Variants in MYRIP observed in about 807,000 individuals in gnomAD.
MYRIP encodes rab effector MyRIP.
A neutral mutation model predicts 98.0 loss-of-function variants in MYRIP; 49 were observed. That is an observed-to-expected ratio of 0.50 (90% CI 0.40 to 0.63). The LOEUF is 0.63. Among genes scored for constraint, MYRIP ranks in the 30% least tolerant of loss-of-function variants. The probability of loss-of-function intolerance (pLI) is 0.00; values close to 1 mark genes in which losing one functional copy is unlikely to be tolerated. For synonymous variants in MYRIP, 404 were observed against 409.5 expected, an observed-to-expected ratio of 0.99 and a Z score of 0.16; for missense variants, 1,004 against 1,058.2, an observed-to-expected ratio of 0.95 and a Z score of 0.71.
chr3:39,924,181 C>T (rs1237374156), intron 2 of MYRIP, among the ~76,000 whole-genome samples: 1 of 151,962 alleles, frequency 6.6e-6, no homozygotes, highest in East Asian at 1.9e-4. Flanking sequence ...GTTGAAGATA[C>T]AAATTAGCAA....
At chr3:39,917,993 C>T (rs1365219689) in intron 2 of MYRIP, among the ~76,000 whole-genome samples, 4 of 150,774 alleles carry the variant, frequency 2.7e-5, no homozygotes, top group Non-Finnish European at 5.9e-5. Flanking sequence ...GTGGCGCGAT[C>T]TCGACTCACT....
chr3:40,037,722 A>C (rs1299390445), intron 2 of MYRIP, among the ~76,000 whole-genome samples: 1 of 152,012 alleles, frequency 6.6e-6, no homozygotes, highest in African/African-American at 2.4e-5. Context: ...TTCCCTCTGC[A>C]CCCTCTTTTC....
At position 40,006,250 on chromosome 3, in the gene MYRIP, G is replaced by A. The variant is rs76854210; in HGVS notation, c.111-37800G>A. 7.7e-3 allele frequency among the ~76,000 whole-genome samples: 1,175 copies of A among 152,250 alleles called. 15 individuals carry two copies. Among genetic ancestry groups the A allele is most frequent in the African/African-American group, 0.027 (1,101 of 41,540 alleles). On this transcript the variant is annotated intron_variant, in intron 2 of 16. Transcript: ENST00000302541. ...TCATTCAGGAAAGGTCCTTCTTGCC[G>A]TAGTTTAGAGAAGGAAAATAGAAGG...
chr3:39,991,443 T>C (rs192936963), intron 2 of MYRIP, among the ~76,000 whole-genome samples: 11 of 152,364 alleles, frequency 7.2e-5, no homozygotes, highest in Non-Finnish European at 1.6e-4. Context: ...TTGTGTGATG[T>C]GCTGATGTCC....
At chr3:40,077,402 G>C (rs867089262) in intron 3 of MYRIP, among the ~76,000 whole-genome samples, 3 of 152,088 alleles carry the variant, frequency 2.0e-5, no homozygotes, top group African/African-American at 4.8e-5. Context: ...GTGCATTTAC[G>C]ATCCCTGAGC....
intron 1 of MYRIP, among the ~76,000 whole-genome samples, chr3:39,852,150 AG>A (rs1942148449): frequency 1.3e-5 from 2 of 152,300 alleles, no homozygotes; most frequent in East Asian, 1.9e-4. Context: ...AATCAAAAGT[AG>A]GGAGCCTGGT....
intron 9 of MYRIP, among the ~76,000 whole-genome samples, chr3:40,184,136 C>T (rs562399713): frequency 6.6e-6 from 1 of 152,168 alleles, no homozygotes; most frequent in South Asian, 2.1e-4. Context: ...TTCTTTCCTC[C>T]CTCTGCCCTC....
chr3:39,935,036 G>A (rs990959571), intron 2 of MYRIP, among the ~76,000 whole-genome samples: 7 of 152,198 alleles, frequency 4.6e-5, no homozygotes, highest in African/African-American at 2.4e-5. Context: ...TGCTTTCTCA[G>A]GAATTAACTC....
intron 1 of MYRIP, among the ~76,000 whole-genome samples, chr3:39,871,803 A>C (rs35334197): frequency 0.16 from 24,600 of 152,020 alleles, 2,066 homozygotes; most frequent in South Asian, 0.19. Flanking sequence ...ATTATCTAGA[A>C]TTATTTTTTA....
At position 40,244,520 on chromosome 3, in the gene MYRIP, C is replaced by T. The variant is rs1204481344; in HGVS notation, c.2175C>T (p.Ile725=). 9.3e-6 allele frequency: 15 copies of T among 1,613,904 alleles called. No individual in the cohort carries two copies. The African/African-American group carries it at 1.1e-4, about 11-fold the overall frequency. The change falls in exon 13 of 17, where the codon ATC becomes ATT. Residue 725 remains isoleucine (I), a synonymous_variant. Transcript: ENST00000302541. ...AGCTAGAAGATGCCGCCCGCTGCAT[C>T]CACAGTGGCACTGATGAGACCCATC... The part of the protein sequence containing the change: ...LTELEDAARC[I]HSGTDETHLA...
intron 2 of MYRIP, among the ~76,000 whole-genome samples, chr3:40,009,252 T>C (rs1433048142): frequency 1.3e-5 from 2 of 151,484 alleles, no homozygotes; most frequent in African/African-American, 4.9e-5. Context: ...TTTTTTTTTT[T>C]TTGAGACGGA....
intron 2 of MYRIP, among the ~76,000 whole-genome samples, chr3:40,000,396 G>A (rs749011158): frequency 1.3e-5 from 2 of 152,122 alleles, no homozygotes; most frequent in Non-Finnish European, 2.9e-5. Flanking sequence ...GCTGCAAACA[G>A]CATCTACTCT....
intron 2 of MYRIP, among the ~76,000 whole-genome samples, chr3:40,030,593 T>C (rs1047693047): frequency 2.0e-5 from 3 of 152,166 alleles, no homozygotes; most frequent in Non-Finnish European, 4.4e-5. Flanking sequence ...TTATGGTGAA[T>C]GAATGGATAA....
intron 2 of MYRIP, among the ~76,000 whole-genome samples, chr3:39,929,271 T>C (rs934508642): frequency 6.6e-6 from 1 of 152,030 alleles, no homozygotes; most frequent in Non-Finnish European, 1.5e-5. Context: ...ACAGTGTTCA[T>C]AGATTGGAAG....
intron 3 of MYRIP, among the ~76,000 whole-genome samples, chr3:40,106,239 G>A (rs986973931): frequency 6.6e-6 from 1 of 151,954 alleles, no homozygotes; most frequent in Admixed American, 6.6e-5. Context: ...CCCGAGACCA[G>A]TCTCACCTAC....
chr3:40,139,277 A>G (rs1476861515), intron 3 of MYRIP, among the ~76,000 whole-genome samples: 3 of 152,162 alleles, frequency 2.0e-5, no homozygotes, highest in Non-Finnish European at 4.4e-5. Flanking sequence ...TACAAAGAGT[A>G]TGTTGCATCC....
chr3:39,850,169 T>C (rs1942087206), intron 1 of MYRIP, among the ~76,000 whole-genome samples: 1 of 152,190 alleles, frequency 6.6e-6, no homozygotes, highest in Non-Finnish European at 1.5e-5. Context: ...GCATGCTCTG[T>C]GACCCAAGAA....
At chr3:39,974,769 C>G (rs185102371) in intron 2 of MYRIP, among the ~76,000 whole-genome samples, 27 of 152,090 alleles carry the variant, frequency 1.8e-4, no homozygotes, top group African/African-American at 6.3e-4. Flanking sequence ...AAACATAATC[C>G]AGCATATAAA....
chr3:39,995,538 A>G (rs990892893), intron 2 of MYRIP, among the ~76,000 whole-genome samples: 7 of 152,258 alleles, frequency 4.6e-5, no homozygotes, highest in Non-Finnish European at 8.8e-5. Flanking sequence ...GGACTATGTG[A>G]AAAGACCAAA....
Sources: gnomAD v4.1 joint callset for allele counts (sites outside exome capture counted in the v4.1 genomes callset) on GRCh38, gnomAD v4.1.1 for gene constraint, MANE v1.5 for transcripts, NCBI Gene and HGNC (gene_info 2026-07-23, HGNC 2026-07-21) for gene names.